The following GPR39 variants were observed in gnomAD, a reference collection of about 807,000 sequenced individuals.
GPR39 encodes zinc sensing receptor.
GPR39 carries 23 observed loss-of-function variants against 18.4 expected under a neutral mutation model. The observed-to-expected ratio is 1.25, with a 90% CI of 0.90 to 1.77. The LOEUF (loss-of-function observed/expected upper bound fraction) is 1.77, where lower values mean the gene tolerates loss of function less well. Ranked by LOEUF, GPR39 falls within the 40% of genes most tolerant of loss-of-function variation. GPR39 has a pLI of 0.00. For missense variants in GPR39, 647 were observed against 602.4 expected, an observed-to-expected ratio of 1.07 and a Z score of -0.78; for synonymous variants, 280 against 257.9, an observed-to-expected ratio of 1.09 and a Z score of -0.82.
chr2:132,574,295 T>G (rs982215968), intron 1 of GPR39, among the ~76,000 whole-genome samples: 2 of 152,254 alleles, frequency 1.3e-5, no homozygotes, highest in African/African-American at 4.8e-5. Flanking sequence ...ATAGCTTCTC[T>G]CTAATTCACA....
intron 1 of GPR39, among the ~76,000 whole-genome samples, chr2:132,446,549 G>A (rs747539397): frequency 2.6e-5 from 4 of 152,236 alleles, no homozygotes; most frequent in Admixed American, 6.5e-5. Context: ...GGAATTGACA[G>A]CTTGGTGACG....
chr2:132,522,644 G>T (rs917155829), intron 1 of GPR39, among the ~76,000 whole-genome samples: 1 of 152,166 alleles, frequency 6.6e-6, no homozygotes, highest in African/African-American at 2.4e-5. Context: ...GCAAGATTGG[G>T]CCCATAATTT....
chr2:132,502,149 A>G (rs1205445976), intron 1 of GPR39, among the ~76,000 whole-genome samples: 1 of 151,790 alleles, frequency 6.6e-6, no homozygotes, highest in Admixed American at 6.6e-5. Context: ...TTATTTTTTC[A>G]TTGTGTTATT....
chr2:132,492,870 A>T (rs1573629462), intron 1 of GPR39, among the ~76,000 whole-genome samples: 1 of 143,666 alleles, frequency 7.0e-6, no homozygotes, highest in Non-Finnish European at 1.5e-5. Flanking sequence ...CCATATATGT[A>T]CACCATATAT....
At chr2:132,588,157 G>A (rs1270730409) in intron 1 of GPR39, among the ~76,000 whole-genome samples, 1 of 152,100 alleles carries the variant, frequency 6.6e-6, no homozygotes, top group East Asian at 1.9e-4. Flanking sequence ...GAAGGTCCTG[G>A]AGTTAAAAAA....
At chr2:132,426,582 C>G (rs1313535976) in intron 1 of GPR39, among the ~76,000 whole-genome samples, 1 of 152,188 alleles carries the variant, frequency 6.6e-6, no homozygotes, top group Admixed American at 6.5e-5. Context: ...GGGAGGAAGC[C>G]AACCCTGGTG....
At chr2:132,503,467 G>A (rs1679082695) in intron 1 of GPR39, among the ~76,000 whole-genome samples, 1 of 152,228 alleles carries the variant, frequency 6.6e-6, no homozygotes, top group African/African-American at 2.4e-5. Flanking sequence ...CTGCTTTGAT[G>A]GAGGTAGCAG....
At chr2:132,519,781 A>T (rs866429841) in intron 1 of GPR39, among the ~76,000 whole-genome samples, 11 of 152,298 alleles carry the variant, frequency 7.2e-5, no homozygotes, top group Middle Eastern at 6.8e-3. Flanking sequence ...AGCCTGGCAC[A>T]ATCTCATCAT....
intron 1 of GPR39, among the ~76,000 whole-genome samples, chr2:132,593,781 A>C (rs1472021451): frequency 6.6e-6 from 1 of 152,086 alleles, no homozygotes; most frequent in Non-Finnish European, 1.5e-5. Context: ...TGAAAACTTC[A>C]AGAAAGAGAT....
At chr2:132,563,262 A>G (rs1230569684) in intron 1 of GPR39, among the ~76,000 whole-genome samples, 1 of 152,220 alleles carries the variant, frequency 6.6e-6, no homozygotes, top group Non-Finnish European at 1.5e-5. Flanking sequence ...AATTTTATCA[A>G]AGGCCTATCA....
At chr2:132,605,396 C>T (rs562316955) in intron 1 of GPR39, among the ~76,000 whole-genome samples, 17 of 151,940 alleles carry the variant, frequency 1.1e-4, no homozygotes, top group Admixed American at 9.8e-4. Flanking sequence ...GCCATTCATG[C>T]GGCCCATTAG....
rs146226612 is a variant in GPR39, at chr2:132,579,443, G to A, written c.857-65658G>A. 3.7e-4 allele frequency among the ~76,000 whole-genome samples: 56 copies of A among 152,184 alleles called. No homozygotes were observed. The East Asian group carries it at 0.011, about 29-fold the overall frequency. On this transcript the variant is annotated intron_variant, in intron 1 of 1. Coordinates refer to ENST00000329321, the MANE Select transcript of GPR39 (RefSeq NM_001508.3). The stretch of plus-strand genomic sequence containing the variant: ...AAGCGTATTTTTCTGTTGCTGTGTG[G>A]AGTGTTTTATAAATTTTGATTAAAT...
intron 1 of GPR39, among the ~76,000 whole-genome samples, chr2:132,486,488 G>A (rs1681342069): frequency 3.3e-5 from 5 of 152,198 alleles, no homozygotes. Context: ...TTGTTGTTTA[G>A]TGTAGCCACC....
intron 1 of GPR39, among the ~76,000 whole-genome samples, chr2:132,572,372 G>C (rs1680455370): frequency 6.6e-6 from 1 of 151,982 alleles, no homozygotes; most frequent in Non-Finnish European, 1.5e-5. Context: ...GGAGGGGCTG[G>C]AAGTGCATCT....
intron 1 of GPR39, among the ~76,000 whole-genome samples, chr2:132,557,982 T>G (rs1680185551): frequency 7.4e-6 from 1 of 134,836 alleles, no homozygotes; most frequent in Non-Finnish European, 1.6e-5. Context: ...CACTGAGTGG[T>G]GGTGGTGGTG....
chr2:132,421,154 G>A (rs552551730), intron 1 of GPR39, among the ~76,000 whole-genome samples: 46 of 152,266 alleles, frequency 3.0e-4, no homozygotes, highest in South Asian at 6.2e-4. Context: ...TGTAAAATGA[G>A]ACTTCCTTTC....
rs370317279 is a variant in GPR39, at chr2:132,596,068, G to A, written c.857-49033G>A. On this transcript the variant is annotated intron_variant, in intron 1 of 1. Transcript: ENST00000329321. ...CCCCACTGGCTCTCCAAGCTGGCCT[G>A]CACCCCAGCACAGTGCAGGGAAGAA... is the stretch of plus-strand genomic sequence containing the variant. Among the ~76,000 whole-genome samples the A allele has an allele frequency of 2.6e-5, 4 of 152,132 alleles. No homozygotes were observed. The East Asian group carries it at 5.8e-4, about 22-fold the overall frequency.
At chr2:132,555,141 C>T (rs1004610156) in intron 1 of GPR39, among the ~76,000 whole-genome samples, 11 of 152,022 alleles carry the variant, frequency 7.2e-5, no homozygotes, top group South Asian at 2.1e-4. Context: ...TTAGTAGAGA[C>T]GGGGTTTACC....
intron 1 of GPR39, among the ~76,000 whole-genome samples, chr2:132,432,105 G>T: frequency 6.6e-6 from 1 of 152,136 alleles, no homozygotes; most frequent in East Asian, 1.9e-4. Context: ...TGTTTGTCTT[G>T]CTCCATTTGG....
Sources: allele counts gnomAD v4.1 joint callset (sites outside exome capture counted in the v4.1 genomes callset), GRCh38; gene constraint gnomAD v4.1.1; transcripts MANE v1.5; gene names NCBI Gene and HGNC (gene_info 2026-07-23, HGNC 2026-07-21).